CD84: variants seen among roughly 807,000 people sequenced by gnomAD.
CD84 encodes SLAM family member 5.
CD84 carries 22 observed loss-of-function variants against 33.8 expected under a neutral mutation model. That is an observed-to-expected ratio of 0.65 (90% CI 0.46 to 0.93). The LOEUF (loss-of-function observed/expected upper bound fraction) is 0.93. CD84 is among the 40% of genes least tolerant of loss of function. The pLI, the probability that CD84 is intolerant of heterozygous loss-of-function variation, is 0.00. For missense variants in CD84, 400 were observed against 397.6 expected (o/e 1.01, Z -0.05); for synonymous variants, 154 against 145.2 (o/e 1.06, Z -0.44).
intron 2 of CD84, among the ~76,000 whole-genome samples, chr1:160,555,351 G>A (rs1656539912): frequency 6.6e-6 from 1 of 152,068 alleles, no homozygotes; most frequent in Admixed American, 6.6e-5. Flanking sequence ...CCAAAGTGCT[G>A]GGATGACAGG....
intron 4 of CD84, among the ~76,000 whole-genome samples, chr1:160,551,671 G>A (rs1656232452): frequency 6.6e-6 from 1 of 152,158 alleles, no homozygotes; most frequent in Non-Finnish European, 1.5e-5. Flanking sequence ...AGCCTTCTGA[G>A]TAGCTGGGAC....
At chr1:160,552,699 A>G in intron 4 of CD84, 1 of 1,544,722 alleles carries the variant, frequency 6.5e-7, no homozygotes, top group Non-Finnish European at 8.8e-7. Flanking sequence ...GTGGCTGAGA[A>G]CTTACAAGGG....
chr1:160,568,340 T>A (rs942721551), intron 1 of CD84, among the ~76,000 whole-genome samples: 2 of 151,926 alleles, frequency 1.3e-5, no homozygotes, highest in African/African-American at 4.8e-5. Flanking sequence ...CAAAGAGCAA[T>A]CAGGCAGTGG....
At chr1:160,557,243 T>C (rs543457593) in intron 2 of CD84, among the ~76,000 whole-genome samples, 6 of 152,352 alleles carry the variant, frequency 3.9e-5, no homozygotes, top group African/African-American at 1.4e-4. Context: ...ACATTAGCGT[T>C]CTTTCCGCTA....
intron 2 of CD84, among the ~76,000 whole-genome samples, chr1:160,564,494 C>T (rs901511266): frequency 1.3e-5 from 2 of 152,164 alleles, no homozygotes; most frequent in Admixed American, 6.6e-5. Context: ...GTAATAGCCC[C>T]AAACTGGAAA....
At chr1:160,555,610 G>A (rs1557973479) in intron 2 of CD84, among the ~76,000 whole-genome samples, 2 of 152,142 alleles carry the variant, frequency 1.3e-5, no homozygotes, top group Non-Finnish European at 2.9e-5. Context: ...GCATGGGGAA[G>A]CGTTAAGGTC....
At chr1:160,570,733 A>T (rs1657641080) in intron 1 of CD84, among the ~76,000 whole-genome samples, 1 of 152,150 alleles carries the variant, frequency 6.6e-6, no homozygotes, top group South Asian at 2.1e-4. Context: ...ATGATGGTGC[A>T]CACCTGTAGT....
At chr1:160,564,314 A>G (rs984036526) in intron 2 of CD84, among the ~76,000 whole-genome samples, 1 of 152,232 alleles carries the variant, frequency 6.6e-6, no homozygotes, top group African/African-American at 2.4e-5. Flanking sequence ...GAGAAACTGG[A>G]TCACTCATAC....
intron 4 of CD84, chr1:160,552,698 A>T (rs1179311403): frequency 1.3e-6 from 2 of 1,544,366 alleles, no homozygotes; most frequent in Admixed American, 3.9e-5. Context: ...TGTGGCTGAG[A>T]ACTTACAAGG....
intron 1 of CD84, among the ~76,000 whole-genome samples, chr1:160,569,542 G>A (rs7517662): frequency 0.027 from 1,734 of 64,140 alleles, 29 homozygotes; most frequent in African/African-American, 0.074. Flanking sequence ...ACACACACAC[G>A]CACGCACGCA....
At chr1:160,558,391 C>A (rs116441227) in intron 2 of CD84, among the ~76,000 whole-genome samples, 1 of 152,240 alleles carries the variant, frequency 6.6e-6, no homozygotes, top group African/African-American at 2.4e-5. Context: ...GCAACAGCCC[C>A]ACAGAAGAGT....
rs151207159 is a variant in CD84, at chr1:160,548,284, C to T, written c.959G>A (p.Gly320Glu). The T allele has an allele frequency of 1.0e-4, 166 of 1,614,128 alleles. No individual in the cohort carries two copies. The African/African-American group carries it at 2.0e-3, about 19-fold the overall frequency. Residue 320 changes from glycine (G) to glutamate (E), a missense_variant, in exon 7 of 7, where the codon GGG (glycine) becomes GAG (glutamate). By Grantham distance (98) the Gly-to-Glu change is moderately conservative. Coordinates refer to ENST00000368054, the MANE Select transcript of CD84 (RefSeq NM_003874.4). ...KASTQDSKPP[G>E]TSSYEIVI ...GATCACAATTTCATAGCTTGAAGTC[C>T]CAGGAGGTTTACTGTCCTGTGTGCT...
At chr1:160,561,398 G>T (rs1571365538) in intron 2 of CD84, among the ~76,000 whole-genome samples, 1 of 151,724 alleles carries the variant, frequency 6.6e-6, no homozygotes, top group East Asian at 1.9e-4. Flanking sequence ...CACATAAATA[G>T]TACTGAAGAC....
At chr1:160,576,310 A>T (rs1285910907) in intron 1 of CD84, among the ~76,000 whole-genome samples, 3 of 152,228 alleles carry the variant, frequency 2.0e-5, no homozygotes, top group Non-Finnish European at 2.9e-5. Context: ...AGACATCAAC[A>T]TCATGCTGAT....
chr1:160,563,256 C>T (rs899536679), intron 2 of CD84, among the ~76,000 whole-genome samples: 1 of 152,058 alleles, frequency 6.6e-6, no homozygotes, highest in African/African-American at 2.4e-5. Context: ...GTGTATACCC[C>T]AAAGAATATA....
At position 160,546,428 on chromosome 1, in the gene CD84, T is replaced by A. The variant is rs969644844; in HGVS notation, c.*1828A>T. 1 of 152,252 alleles carries A rather than the reference T, an allele frequency of 6.6e-6. No homozygotes were observed. The highest frequency in any genetic ancestry group is 1.5e-5 in the Non-Finnish European group (1 of 68,060). The allele number at this position is 152,252 out of a possible 1,614,324, so 9.4% of individuals were successfully genotyped here. ...AACAGCAGTGTGAAAAGATCCCTGATTAATTTTGATTCCTGATACCAGGGA... is the reference window on the plus strand; with the variant it reads ...AACAGCAGTGTGAAAAGATCCCTGAATAATTTTGATTCCTGATACCAGGGA... On this transcript the variant is annotated 3_prime_UTR_variant, in exon 7 of 7. Transcript: ENST00000368054.
intron 1 of CD84, among the ~76,000 whole-genome samples, chr1:160,570,076 G>T (rs1657595179): frequency 6.6e-6 from 1 of 152,130 alleles, no homozygotes; most frequent in Admixed American, 6.5e-5. Flanking sequence ...GCATGAACCA[G>T]GGGACGATAA....
At chr1:160,563,934 C>T (rs188686663) in intron 2 of CD84, among the ~76,000 whole-genome samples, 4 of 152,178 alleles carry the variant, frequency 2.6e-5, no homozygotes, top group Admixed American at 2.6e-4. Context: ...TAGGTCCGTA[C>T]TTTCTCAAAC....
At chr1:160,556,762 A>G (rs1198286007) in intron 2 of CD84, among the ~76,000 whole-genome samples, 2 of 152,246 alleles carry the variant, frequency 1.3e-5, no homozygotes, top group Non-Finnish European at 2.9e-5. Flanking sequence ...TATACAGTAC[A>G]GCTTTCTCTA....
Sources: allele counts gnomAD v4.1 joint callset (sites outside exome capture counted in the v4.1 genomes callset), GRCh38; gene constraint gnomAD v4.1.1; transcripts MANE v1.5; gene names NCBI Gene and HGNC (gene_info 2026-07-23, HGNC 2026-07-21).